The following SYT1 variants were observed in gnomAD, a reference collection of about 807,000 sequenced individuals.
SYT1 encodes synaptotagmin 1, also known as synaptotagmin-1.
Under a neutral mutation model 44.8 loss-of-function variants are expected in SYT1, and 8 were observed. The ratio of observed to expected loss-of-function variants is 0.18; its 90% CI spans 0.10 to 0.32. The LOEUF is 0.32. SYT1 is among the 10% of genes least tolerant of loss of function. SYT1 has a pLI of 1.00. For missense variants in SYT1, 286 were observed against 509.3 expected (o/e 0.56, Z 4.22); for synonymous variants, 154 against 188.8 (o/e 0.82, Z 1.51).
intron 3 of SYT1, among the ~76,000 whole-genome samples, chr12:79,120,007 A>G (rs1879507188): frequency 6.6e-6 from 1 of 152,134 alleles, no homozygotes; most frequent in South Asian, 2.1e-4. Flanking sequence ...CAAGAGACTG[A>G]GGGAGCCAAT....
At chr12:78,967,984 T>C (rs1293665475) in intron 1 of SYT1, among the ~76,000 whole-genome samples, 1 of 152,132 alleles carries the variant, frequency 6.6e-6, no homozygotes. Flanking sequence ...GAACGAGGTA[T>C]GGGATTTGAC....
chr12:79,354,800 A>G (rs2136010636), intron 9 of SYT1, among the ~76,000 whole-genome samples: 1 of 152,330 alleles, frequency 6.6e-6, no homozygotes, highest in African/African-American at 2.4e-5. Context: ...TTTAACTACA[A>G]TAACAGTTCC....
intron 9 of SYT1, among the ~76,000 whole-genome samples, chr12:79,410,506 CAAAAAAAAAAA>C (rs5799432): frequency 2.6e-5 from 2 of 75,916 alleles, no homozygotes; most frequent in African/African-American, 5.7e-5. Flanking sequence ...TGTTCAAAGT[CAAAAAAAAAAA>C]AAAAAAAAAA....
intron 6 of SYT1, among the ~76,000 whole-genome samples, chr12:79,295,189 A>C (rs1879822078): frequency 1.3e-5 from 2 of 152,144 alleles, no homozygotes; most frequent in African/African-American, 4.8e-5. Flanking sequence ...ATATGGATCT[A>C]AATCAGTCTG....
At chr12:78,955,800 TTGTGTG>T (rs60111282) in intron 1 of SYT1, among the ~76,000 whole-genome samples, 99 of 138,696 alleles carry the variant, frequency 7.1e-4, no homozygotes, top group Admixed American at 2.2e-3. Context: ...GCCAAGATAT[TTGTGTG>T]TGTGTGTGTG....
At chr12:79,116,709 C>G (rs900059825) in intron 3 of SYT1, among the ~76,000 whole-genome samples, 1 of 152,206 alleles carries the variant, frequency 6.6e-6, no homozygotes, top group Non-Finnish European at 1.5e-5. Flanking sequence ...ATTGAATTCT[C>G]ATAGTATGCT....
chr12:79,204,959 C>CTT lies in SYT1; in HGVS notation c.-17-12522_-17-12521dup, dbSNP rs35259216. Among the ~76,000 whole-genome samples the CTT allele has an allele frequency of 5.8e-3, 13 of 2,226 alleles. 5 individuals carry two copies. Among genetic ancestry groups the CTT allele is most frequent in the Non-Finnish European group, 8.4e-3 (12 of 1,424 alleles). The allele number at this position is 2,226 out of a possible 152,430, so 1.5% of individuals were successfully genotyped here. A position where few individuals can be genotyped will look rare whatever the true frequency, so the allele number is the denominator to read the frequency against. ...AAGAGAGACTTTGCTCCTGTTGTAACTTTTTTTTTTTTTTTTTTTTTTTGA... is the reference window on the plus strand; with the variant it reads ...AAGAGAGACTTTGCTCCTGTTGTAACTTTTTTTTTTTTTTTTTTTTTTTTTGA... On this transcript the variant is annotated intron_variant, in intron 3 of 10. Coordinates refer to ENST00000261205, the MANE Select transcript of SYT1 (RefSeq NM_005639.3).
intron 1 of SYT1, chr12:78,955,599 C>T (rs1302776773): frequency 6.6e-6 from 1 of 152,040 alleles, no homozygotes; most frequent in Non-Finnish European, 1.5e-5. Context: ...TTTATAAAGG[C>T]ACTAATTCCA....
chr12:78,886,534 C>G (rs1023383726), intron 1 of SYT1, among the ~76,000 whole-genome samples: 1 of 151,900 alleles, frequency 6.6e-6, no homozygotes, highest in Non-Finnish European at 1.5e-5. Context: ...AAATACATAG[C>G]AACAAATTTA....
intron 3 of SYT1, among the ~76,000 whole-genome samples, chr12:79,160,459 C>A (rs909102805): frequency 6.6e-6 from 1 of 151,926 alleles, no homozygotes; most frequent in Non-Finnish European, 1.5e-5. Flanking sequence ...TTCACGTGAA[C>A]TAAGGGAAAG....
intron 5 of SYT1, among the ~76,000 whole-genome samples, chr12:79,290,837 G>A (rs551291296): frequency 9.2e-5 from 14 of 152,184 alleles, no homozygotes; most frequent in South Asian, 2.1e-4. Context: ...AGACAAATTA[G>A]CAAAGGATAT....
At chr12:79,376,573 C>T (rs920994994) in intron 9 of SYT1, among the ~76,000 whole-genome samples, 5 of 152,200 alleles carry the variant, frequency 3.3e-5, no homozygotes, top group South Asian at 2.1e-4. Flanking sequence ...CCTCCTTTCT[C>T]ATCCTGTTAC....
At chr12:79,243,040 G>A (rs561981752) in intron 4 of SYT1, among the ~76,000 whole-genome samples, 38 of 152,320 alleles carry the variant, frequency 2.5e-4, no homozygotes, top group African/African-American at 8.4e-4. Flanking sequence ...GCAGGCAAGA[G>A]AGCATGTGCA....
Position 79,078,275 on chromosome 12 carries a change from C to T in SYT1, c.-18+30913C>T, listed in dbSNP as rs927809751. On this transcript the variant is annotated intron_variant, in intron 3 of 10. Coordinates refer to ENST00000261205, the MANE Select transcript of SYT1 (RefSeq NM_005639.3). ...CTTCTCCCCTCACCTTCACTCTGTT[C>T]TTGGATCTCACCCTCTTCAGCCCCC... 3.3e-5 allele frequency among the ~76,000 whole-genome samples: 5 copies of T among 152,052 alleles called. 1 individual carries two copies. Among genetic ancestry groups the T allele is most frequent in the Non-Finnish European group, 7.4e-5 (5 of 68,014 alleles).
At chr12:79,079,105 C>G (rs908617372) in intron 3 of SYT1, among the ~76,000 whole-genome samples, 1 of 152,108 alleles carries the variant, frequency 6.6e-6, no homozygotes, top group Admixed American at 6.5e-5. Context: ...TACCCTATAA[C>G]TAAAGAATGA....
rs760882435 is a variant in SYT1 at position 79,148,172 on chromosome 12, AAAG to A, written c.-17-69328_-17-69326del. 3.9e-4 allele frequency among the ~76,000 whole-genome samples: 59 copies of A among 152,332 alleles called. 1 individual carries two copies. In the Middle Eastern group the frequency reaches 0.01, roughly 27 times the overall value. ...TTCAAAAAATGAAAACATTAGGAGA[AAAG>A]AAAATTGGACAGAAATGGCAGGGAA... On this transcript the variant is annotated intron_variant, in intron 3 of 10. Coordinates refer to ENST00000261205, the MANE Select transcript of SYT1 (RefSeq NM_005639.3).
rs558109379 is a variant in SYT1 at position 79,122,153 on chromosome 12, A to G, written c.-18+74791A>G. ...CTCTCATTTCTTCAAACTCTTCATC[A>G]CTCGTATAATTAGAAATAAAAGACT... On this transcript the variant is annotated intron_variant, in intron 3 of 10. Coordinates refer to ENST00000261205, the MANE Select transcript of SYT1 (RefSeq NM_005639.3). Among the ~76,000 whole-genome samples, 63 of 152,214 alleles carry G rather than the reference A, an allele frequency of 4.1e-4. No individual in the cohort carries two copies. The South Asian group carries it at 9.8e-3, about 24-fold the overall frequency.
At chr12:78,978,335 C>A (rs185023358) in intron 2 of SYT1, among the ~76,000 whole-genome samples, 17 of 152,252 alleles carry the variant, frequency 1.1e-4, no homozygotes, top group Admixed American at 9.8e-4. Context: ...GCCTGCTGCA[C>A]AGATGATATT....
intron 8 of SYT1, among the ~76,000 whole-genome samples, chr12:79,344,748 C>G (rs1882532051): frequency 6.6e-6 from 1 of 152,162 alleles, no homozygotes. Context: ...TGAGCCACCA[C>G]ACCCGGCCTA....
Sources: allele counts gnomAD v4.1 joint callset (sites outside exome capture counted in the v4.1 genomes callset), GRCh38; gene constraint gnomAD v4.1.1; transcripts MANE v1.5; gene names NCBI Gene and HGNC (gene_info 2026-07-23, HGNC 2026-07-21).